RAB11FIP3: variants seen among roughly 807,000 people sequenced by gnomAD.
The protein encoded by RAB11FIP3 is RAB11 family interacting protein 3.
RAB11FIP3 carries 17 observed loss-of-function variants against 77.8 expected under a neutral mutation model. The observed-to-expected ratio is 0.22, with a 90% CI of 0.15 to 0.33. The LOEUF is 0.33. RAB11FIP3 is among the 10% of genes least tolerant of loss of function. RAB11FIP3 has a pLI of 1.00. For missense variants in RAB11FIP3, 1,005 were observed against 1,011.2 expected (o/e 0.99, Z 0.08); for synonymous variants, 437 against 448.2 (o/e 0.98, Z 0.31).
At chr16:492,530 G>A (rs572133622) in intron 5 of RAB11FIP3, among the ~76,000 whole-genome samples, 9 of 146,570 alleles carry the variant, frequency 6.1e-5, no homozygotes, top group South Asian at 2.2e-4. Context: ...CGGGAGACCC[G>A]AGGCCGTCCA....
chr16:446,560 A>C (rs930417055), intron 1 of RAB11FIP3, among the ~76,000 whole-genome samples: 1 of 152,176 alleles, frequency 6.6e-6, no homozygotes, highest in East Asian at 1.9e-4. Flanking sequence ...CATCCTTCAC[A>C]GTAGAAGTTT....
At chr16:482,838 TAG>T in intron 4 of RAB11FIP3, 102 bp downstream of exon 4, 1 of 1,248,286 alleles carries the variant, frequency 8.0e-7, no homozygotes, top group Non-Finnish European at 1.1e-6. Context: ...GCGTGCTGGT[TAG>T]CATCCATTAT....
intron 1 of RAB11FIP3, among the ~76,000 whole-genome samples, chr16:428,692 CTCT>C (rs2054990530): frequency 6.6e-6 from 1 of 152,134 alleles, no homozygotes; most frequent in African/African-American, 2.4e-5. Context: ...CCTTAGATGC[CTCT>C]TCTTAGATGT....
intron 1 of RAB11FIP3, among the ~76,000 whole-genome samples, chr16:437,570 CAA>C (rs34184576): frequency 1.7e-5 from 1 of 58,986 alleles, no homozygotes; most frequent in African/African-American, 8.0e-5. Flanking sequence ...AACTCCATCT[CAA>C]AAAAAAAAAA....
Position 505,986 on chromosome 16 carries a change from A to G in RAB11FIP3, c.1499+359A>G, listed in dbSNP as rs1475703455. 6.6e-6 allele frequency among the ~76,000 whole-genome samples: 1 copy of G among 152,028 alleles called. No individual in the cohort carries two copies. The highest frequency in any genetic ancestry group is 1.9e-4 in the East Asian group (1 of 5,182). On this transcript the variant is annotated intron_variant, in intron 8 of 13. Coordinates refer to ENST00000262305, the MANE Select transcript of RAB11FIP3 (RefSeq NM_014700.4). The surrounding 1 kb of genome is among the most constrained non-coding windows in gnomAD (Gnocchi z 4.0). ...GGCCTGGAGGTGCAGCTCTCCCACC[A>G]CTCTGGTCCATACGGGGTTTGCCCG...
At chr16:443,805 C>A (rs2055266222) in intron 1 of RAB11FIP3, among the ~76,000 whole-genome samples, 1 of 152,220 alleles carries the variant, frequency 6.6e-6, no homozygotes. Context: ...ACCTTGTGAT[C>A]CGCCCGCCTT....
chr16:443,692 A>G lies in RAB11FIP3; in HGVS notation c.714+16972A>G, dbSNP rs181096188. On this transcript the variant is annotated intron_variant, in intron 1 of 13. Coordinates refer to ENST00000262305, the MANE Select transcript of RAB11FIP3 (RefSeq NM_014700.4). ...GCGATTCTCCTGCCTCAGCCTCCCG[A>G]ATAGCTGGGACTACAGGCGCCCGCT... 4.5e-3 allele frequency among the ~76,000 whole-genome samples: 688 copies of G among 152,206 alleles called. 2 individuals carry two copies. Among genetic ancestry groups the G allele is most frequent in the Non-Finnish European group, 5.8e-3 (392 of 68,012 alleles).
Position 520,608 on chromosome 16 carries a change from T to C in RAB11FIP3, c.2157+9T>C. The C allele has an allele frequency of 6.2e-7, 1 of 1,612,970 alleles. No homozygotes were observed. Among genetic ancestry groups the C allele is most frequent in the Non-Finnish European group, 8.5e-7 (1 of 1,179,622 alleles). On this transcript the variant is annotated intron_variant, in intron 13 of 13. Coordinates refer to ENST00000262305, the MANE Select transcript of RAB11FIP3 (RefSeq NM_014700.4). Reference sequence around the variant, plus strand: ...CCGTCTCCCGAGATGAGGTAACACATCCCGTGTCTGCACGGTGTGGCCTGG... The same window carrying C: ...CCGTCTCCCGAGATGAGGTAACACACCCCGTGTCTGCACGGTGTGGCCTGG...
At position 484,963 on chromosome 16, in the gene RAB11FIP3, C is replaced by G. The variant is rs576721884; in HGVS notation, c.1115+2227C>G. 3.7e-4 allele frequency among the ~76,000 whole-genome samples: 56 copies of G among 152,260 alleles called. 1 individual carries two copies. Among genetic ancestry groups the G allele is most frequent in the Non-Finnish European group, 6.3e-4 (43 of 68,022 alleles). On this transcript the variant is annotated intron_variant, in intron 4 of 13. Transcript: ENST00000262305. ...TCAGCAGCATGTGGCCATGTCTGCT[C>G]TCCTGCTCACCTTGTGGGGGGCATG... is the stretch of plus-strand genomic sequence containing the variant.
At chr16:487,730 G>A (rs1212049914) in intron 4 of RAB11FIP3, among the ~76,000 whole-genome samples, 1 of 152,102 alleles carries the variant, frequency 6.6e-6, no homozygotes, top group Non-Finnish European at 1.5e-5. Context: ...GCCGCTGAAG[G>A]CACAGCTGTT....
intron 3 of RAB11FIP3, among the ~76,000 whole-genome samples, chr16:478,070 C>G (rs1035699226): frequency 6.6e-6 from 1 of 152,234 alleles, no homozygotes; most frequent in Non-Finnish European, 1.5e-5. Context: ...CGGCCTCCCG[C>G]AAGTGCGCCA....
intron 1 of RAB11FIP3, among the ~76,000 whole-genome samples, chr16:445,344 C>T (rs1367327865): frequency 2.0e-5 from 3 of 150,972 alleles, no homozygotes; most frequent in Non-Finnish European, 4.4e-5. Context: ...GAGGCTGAGG[C>T]ACGAGAATCG....
At chr16:496,418 G>A (rs74003947) in intron 5 of RAB11FIP3, among the ~76,000 whole-genome samples, 2,174 of 152,354 alleles carry the variant, frequency 0.014, 47 homozygotes, top group African/African-American at 0.05. Flanking sequence ...CGAAGCCAGC[G>A]GCAAACTCTC....
chr16:448,778 G>A (rs1567362218), intron 1 of RAB11FIP3, among the ~76,000 whole-genome samples: 1 of 151,214 alleles, frequency 6.6e-6, no homozygotes, highest in African/African-American at 2.4e-5. Context: ...AGCCGGGCGT[G>A]GTGGTGCATG....
intron 3 of RAB11FIP3, among the ~76,000 whole-genome samples, chr16:476,916 C>T (rs1245076651): frequency 6.6e-6 from 1 of 152,014 alleles, no homozygotes; most frequent in African/African-American, 2.4e-5. Context: ...CGGTGAAACC[C>T]TGTCTCTACT....
chr16:438,957 G>T (rs2055179634), intron 1 of RAB11FIP3, among the ~76,000 whole-genome samples: 1 of 152,162 alleles, frequency 6.6e-6, no homozygotes, highest in Non-Finnish European at 1.5e-5. Context: ...AAAGTGCTGG[G>T]ATTATAGGCG....
chr16:490,297 T>C (rs750249901), intron 5 of RAB11FIP3, among the ~76,000 whole-genome samples: 2 of 152,226 alleles, frequency 1.3e-5, no homozygotes, highest in Non-Finnish European at 2.9e-5. Context: ...CCAGAAGCCC[T>C]TGGAGGTGAA....
rs2032331805 is a variant in RAB11FIP3 at position 514,872 on chromosome 16, C to G, written c.1641-4071C>G. 6.6e-6 allele frequency among the ~76,000 whole-genome samples: 1 copy of G among 152,254 alleles called. No individual in the cohort carries two copies. The highest frequency in any genetic ancestry group is 1.5e-5 in the Non-Finnish European group (1 of 68,052). ...CCCGGCGTTGGGGTACATGGCCCAT[C>G]ATCAGGCACAGAGTGAACTGGGTGA... On this transcript the variant is annotated intron_variant, in intron 9 of 13. Transcript: ENST00000262305. The surrounding 1 kb of genome is among the most constrained non-coding windows in gnomAD (Gnocchi z 4.6).
At chr16:503,645 C>T (rs2031654961) in intron 7 of RAB11FIP3, among the ~76,000 whole-genome samples, 1 of 152,098 alleles carries the variant, frequency 6.6e-6, no homozygotes, top group Non-Finnish European at 1.5e-5. Flanking sequence ...ATTAGGAGGC[C>T]TAGGCGGGCA....
Sources: gnomAD v4.1 joint callset for allele counts (sites outside exome capture counted in the v4.1 genomes callset) on GRCh38, gnomAD v4.1.1 for gene constraint, Gnocchi (gnomAD v3.1) non-coding constraint, MANE v1.5 for transcripts, NCBI Gene and HGNC (gene_info 2026-07-23, HGNC 2026-07-21) for gene names.